POLK: variants seen among roughly 807,000 people sequenced by gnomAD.
POLK encodes the protein DNA polymerase kappa.
Under a neutral mutation model 94.0 loss-of-function variants are expected in POLK, and 76 were observed. The ratio of observed to expected loss-of-function variants is 0.81; its 90% confidence interval spans 0.67 to 0.98. The LOEUF (loss-of-function observed/expected upper bound fraction) is 0.98. Among genes scored for constraint, POLK ranks in the 50% least tolerant of loss-of-function variants. POLK has a pLI of 0.00. For synonymous variants in POLK, 349 were observed against 325.4 expected (o/e 1.07, Z -0.78); for missense variants, 954 against 1,010.1 (o/e 0.94, Z 0.75).
Position 75,571,120 on chromosome 5 carries a change from T to C in POLK, c.408+1628T>C, listed in dbSNP as rs568451830. On this transcript the variant is annotated intron_variant, in intron 4 of 14. Transcript: ENST00000241436. ...AATATTTTCTTTCCTACAATTTCTG[T>C]CCTCCTAAAAATCAGTTATTGTTTC... Among the ~76,000 whole-genome samples the C allele has an allele frequency of 9.2e-5, 14 of 152,294 alleles. 1 individual carries two copies. In the East Asian group the frequency reaches 2.7e-3, roughly 29 times the overall value.
At chr5:75,528,666 T>C (rs1023346244) in intron 1 of POLK, among the ~76,000 whole-genome samples, 30 of 151,692 alleles carry the variant, frequency 2.0e-4, no homozygotes, top group Middle Eastern at 6.8e-3. Context: ...AAAAAAAAAT[T>C]TGGGCAAGGT....
chr5:75,513,785 C>T (rs1768189561), intron 1 of POLK, among the ~76,000 whole-genome samples: 1 of 152,070 alleles, frequency 6.6e-6, no homozygotes. Context: ...CACCAATGAA[C>T]AGTATTAGTG....
At chr5:75,529,473 C>A (rs966153787) in intron 1 of POLK, among the ~76,000 whole-genome samples, 1 of 152,050 alleles carries the variant, frequency 6.6e-6, no homozygotes, top group Admixed American at 6.6e-5. Flanking sequence ...GAGGAACACA[C>A]ACATAAAAAC....
chr5:75,538,415 T>A (rs1450335441), intron 1 of POLK, among the ~76,000 whole-genome samples: 1 of 152,236 alleles, frequency 6.6e-6, no homozygotes, highest in African/African-American at 2.4e-5. Flanking sequence ...ATTGTGATAG[T>A]TTGATGAACT....
chr5:75,590,573 T>A (rs1013323977), intron 11 of POLK, 133 bp downstream of exon 11: 6 of 616,480 alleles, frequency 9.7e-6, no homozygotes, highest in Non-Finnish European at 1.7e-5. Context: ...AGTGTATTCC[T>A]ATCCCCAACA....
chr5:75,573,972 A>T, intron 5 of POLK, 103 bp downstream of exon 5: 1 of 1,135,266 alleles, frequency 8.8e-7, no homozygotes, highest in Non-Finnish European at 1.3e-6. Context: ...GTCTTAGCTT[A>T]TCCTTTCAGT....
At chr5:75,525,235 T>C (rs1768780076) in intron 1 of POLK, among the ~76,000 whole-genome samples, 1 of 152,168 alleles carries the variant, frequency 6.6e-6, no homozygotes, top group Non-Finnish European at 1.5e-5. Flanking sequence ...ACAAAGACTT[T>C]AACACAACTA....
At chr5:75,510,949 A>C (rs1194494785), upstream of POLK, among the ~76,000 whole-genome samples, 2 of 152,116 alleles carry the variant, frequency 1.3e-5, no homozygotes, top group African/African-American at 4.8e-5. Context: ...CAACAAGGAC[A>C]GTGCCCCTAT....
At chr5:75,532,223 A>G (rs1769216533) in intron 1 of POLK, among the ~76,000 whole-genome samples, 2 of 152,066 alleles carry the variant, frequency 1.3e-5, no homozygotes, top group South Asian at 2.1e-4. Flanking sequence ...TAGTTTTTCA[A>G]TCCTCTCCCT....
chr5:75,599,286 G>A (rs1773235389), exon 15 of POLK: 1 of 151,918 alleles, frequency 6.6e-6, no homozygotes, highest in Non-Finnish European at 1.5e-5. Context: ...GCAACATGAA[G>A]TTGGAAGCCA....
chr5:75,567,862 G>A (rs774300932), intron 3 of POLK, among the ~76,000 whole-genome samples: 1 of 152,218 alleles, frequency 6.6e-6, no homozygotes, highest in Non-Finnish European at 1.5e-5. Flanking sequence ...CATTCAGTGA[G>A]CTGTAGCCTA....
chr5:75,563,713 T>C (rs1410196910), intron 3 of POLK, among the ~76,000 whole-genome samples: 1 of 152,174 alleles, frequency 6.6e-6, no homozygotes, highest in Non-Finnish European at 1.5e-5. Context: ...CAATTTTGAG[T>C]GAGTTTCTTA....
upstream of POLK, chr5:75,511,347 G>A (rs993938595): frequency 3.3e-5 from 51 of 1,543,300 alleles, no homozygotes; most frequent in Middle Eastern, 3.8e-4. Flanking sequence ...CAGGAGGAGG[G>A]ACGAAGTCCG....
intron 1 of POLK, among the ~76,000 whole-genome samples, chr5:75,532,192 A>T (rs536232928): frequency 2.6e-5 from 4 of 152,300 alleles, no homozygotes; most frequent in Admixed American, 2.6e-4. Context: ...CACCCAGGTA[A>T]TAAGCATAGT....
At chr5:75,559,513 G>GTTTTTTTTTTT (rs1561371280) in intron 3 of POLK, among the ~76,000 whole-genome samples, 1 of 68,438 alleles carries the variant, frequency 1.5e-5, no homozygotes, top group Admixed American at 1.5e-4. Context: ...TTGTTTTTTT[G>GTTTTTTTTTTT]TTTTGTTTTG....
chr5:75,525,713 A>G (rs540971734), intron 1 of POLK, among the ~76,000 whole-genome samples: 2 of 152,342 alleles, frequency 1.3e-5, no homozygotes, highest in South Asian at 2.1e-4. Flanking sequence ...GAAATAATGG[A>G]GTCTAGAAAA....
rs190397627 is a variant in POLK at position 75,518,924 on chromosome 5, A to G, written c.-14+7010A>G. 2.5e-3 allele frequency among the ~76,000 whole-genome samples: 386 copies of G among 152,298 alleles called. 1 individual carries two copies. The highest frequency in any genetic ancestry group is 8.6e-3 in the African/African-American group (356 of 41,558). On this transcript the variant is annotated intron_variant, in intron 1 of 14. Transcript: ENST00000241436. Reference sequence around the variant, plus strand: ...CAGTGGTGTGATCATGACCCACTGCATCCTCAATCTCCTTGGTTCAGGTGA... The same window carrying G: ...CAGTGGTGTGATCATGACCCACTGCGTCCTCAATCTCCTTGGTTCAGGTGA...
intron 1 of POLK, among the ~76,000 whole-genome samples, chr5:75,533,527 A>G (rs75891325): frequency 3.3e-5 from 5 of 152,130 alleles, no homozygotes; most frequent in Admixed American, 2.6e-4. Context: ...TGATGCCTCC[A>G]GCTTTGTTCT....
rs769472995 is a variant in POLK, at chr5:75,583,282, C to A, written c.935-11C>A. The A allele has an allele frequency of 4.5e-6, 7 of 1,572,636 alleles. No homozygotes were observed. Among genetic ancestry groups the A allele is most frequent in the Middle Eastern group, 1.7e-4 (1 of 5,938 alleles). ...AACTTCTTTGAGTCATCAGAGTATT[C>A]TTCTTTTAAGGCATTGCCCCAAATA... On this transcript the variant is annotated splice_polypyrimidine_tract_variant and intron_variant, in intron 7 of 14. Coordinates refer to ENST00000241436, the Ensembl canonical transcript of POLK.
Sources: gnomAD v4.1 joint callset for allele counts (sites outside exome capture counted in the v4.1 genomes callset) on GRCh38, gnomAD v4.1.1 for gene constraint, MANE v1.5 for transcripts, NCBI Gene and HGNC (gene_info 2026-07-23, HGNC 2026-07-21) for gene names.